The following FOXP2 variants were observed in gnomAD, a reference collection of about 807,000 sequenced individuals.
FOXP2 encodes the protein forkhead box protein P2.
A neutral mutation model predicts 115.8 loss-of-function variants in FOXP2; 12 were observed. The ratio of observed to expected loss-of-function variants is 0.10; its 90% confidence interval spans 0.07 to 0.17. FOXP2 has a LOEUF of 0.17. Ranked by LOEUF, FOXP2 falls within the 10% of genes least tolerant of loss-of-function variation. The probability of loss-of-function intolerance (pLI) is 1.00; values close to 1 mark genes in which losing one functional copy is unlikely to be tolerated. For missense variants in FOXP2, 629 were observed against 843.5 expected, an observed-to-expected ratio of 0.75 and a Z score of 3.15; for synonymous variants, 328 against 297.7, an observed-to-expected ratio of 1.10 and a Z score of -1.05.
chr7:114,462,078 G>A lies in FOXP2; in HGVS notation c.168+35399G>A, dbSNP rs907118990. Among the ~76,000 whole-genome samples the A allele has an allele frequency of 4.0e-5, 6 of 151,762 alleles. No individual in the cohort carries two copies. The South Asian group carries it at 6.2e-4, about 16-fold the overall frequency. ...GGCTGATCACGAGGTCAAGAGATCC[G>A]AGACCATCCTGACCAACATGGCGAA... is the stretch of plus-strand genomic sequence containing the variant. On this transcript the variant is annotated intron_variant, in intron 2 of 16. Transcript: ENST00000350908.
intron 2 of FOXP2, chr7:114,297,334 GC>G: frequency 1.6e-6 from 1 of 606,088 alleles, no homozygotes; most frequent in South Asian, 1.7e-5. Context: ...TTGGTCAGGC[GC>G]CCGTGGTGGC....
chr7:114,480,084 T>C (rs946902539), intron 2 of FOXP2, among the ~76,000 whole-genome samples: 78 of 151,622 alleles, frequency 5.1e-4, no homozygotes, highest in African/African-American at 1.8e-3. Context: ...TGAGAGACAC[T>C]TGGTCACTTA....
chr7:114,547,255 A>C (rs963110115), intron 3 of FOXP2, among the ~76,000 whole-genome samples: 4 of 152,008 alleles, frequency 2.6e-5, no homozygotes, highest in Non-Finnish European at 4.4e-5. Context: ...TTATCTAAAT[A>C]TTTTCTTCTT....
At chr7:114,663,359 C>A (rs1271023357) in intron 14 of FOXP2, 91 bp from the exon 15 acceptor site, 6 of 946,104 alleles carry the variant, frequency 6.3e-6, no homozygotes, top group South Asian at 5.5e-5. Context: ...TAGTGTGAGA[C>A]AAGCCAGAAC....
At chr7:114,568,981 A>G (rs1045840191) in intron 3 of FOXP2, among the ~76,000 whole-genome samples, 2 of 151,928 alleles carry the variant, frequency 1.3e-5, no homozygotes, top group African/African-American at 2.4e-5. Flanking sequence ...TGCTTGTGAA[A>G]TAATTTAAGG....
At chr7:114,452,176 T>C (rs1237469256) in intron 2 of FOXP2, among the ~76,000 whole-genome samples, 1 of 152,018 alleles carries the variant, frequency 6.6e-6, no homozygotes. Flanking sequence ...CTTTGTGATA[T>C]GTTCTTACTT....
chr7:114,396,726 A>G (rs1180175556), intron 2 of FOXP2, among the ~76,000 whole-genome samples: 2 of 151,986 alleles, frequency 1.3e-5, no homozygotes, highest in Non-Finnish European at 2.9e-5. Context: ...ACAAAATTTC[A>G]GTTAGACAGC....
chr7:114,433,019 T>C (rs1193419146), intron 2 of FOXP2, among the ~76,000 whole-genome samples: 1 of 152,028 alleles, frequency 6.6e-6, no homozygotes, highest in Non-Finnish European at 1.5e-5. Context: ...TTGCAAAATG[T>C]CAAGCTGTAG....
At chr7:114,161,154 A>T (rs1792819152), upstream of FOXP2, among the ~76,000 whole-genome samples, 1 of 152,210 alleles carries the variant, frequency 6.6e-6, no homozygotes, top group African/African-American at 2.4e-5. Flanking sequence ...ATGTGGATAT[A>T]TTCATCTAGA....
intron 2 of FOXP2, among the ~76,000 whole-genome samples, chr7:114,379,429 C>A (rs1298258118): frequency 4.6e-5 from 7 of 152,100 alleles, no homozygotes; most frequent in Admixed American, 3.3e-4. Flanking sequence ...CCCCTCTCAA[C>A]AGGAAAACCC....
chr7:114,321,309 C>A (rs1454609353), intron 2 of FOXP2, among the ~76,000 whole-genome samples: 1 of 151,896 alleles, frequency 6.6e-6, no homozygotes, highest in African/African-American at 2.4e-5. Context: ...CGCCATTCTC[C>A]TGCCTCAGCC....
At position 114,515,583 on chromosome 7, in the gene FOXP2, A is replaced by C. The variant is rs530427058; in HGVS notation, c.169-19034A>C. 4.0e-3 allele frequency among the ~76,000 whole-genome samples: 604 copies of C among 151,574 alleles called. 3 individuals carry two copies. The highest frequency in any genetic ancestry group is 0.011 in the African/African-American group (473 of 41,284). The stretch of plus-strand genomic sequence containing the variant: ...TGGGGTTGTTTGTTTTTTTCTTGTA[A>C]ATTTGTTTGAGTTCATTGTAGATTC... On this transcript the variant is annotated intron_variant, in intron 2 of 16. Transcript: ENST00000350908.
chr7:114,395,876 T>A (rs528621726), intron 2 of FOXP2, among the ~76,000 whole-genome samples: 27 of 152,068 alleles, frequency 1.8e-4, no homozygotes, highest in East Asian at 5.8e-4. Context: ...TTTCTTTTTT[T>A]AAAAAAATTT....
At chr7:114,305,259 G>C (rs181926587) in intron 2 of FOXP2, among the ~76,000 whole-genome samples, 205 of 152,186 alleles carry the variant, frequency 1.3e-3, no homozygotes, top group Middle Eastern at 3.4e-3. Flanking sequence ...AGCTTTAAAC[G>C]TTCATTGAAA....
intron 1 of FOXP2, among the ~76,000 whole-genome samples, chr7:114,195,340 A>G (rs1793875672): frequency 6.6e-6 from 1 of 152,160 alleles, no homozygotes; most frequent in Non-Finnish European, 1.5e-5. Context: ...TTATATATGT[A>G]TATATTCTGT....
At chr7:114,234,815 C>T (rs1176953916) in intron 1 of FOXP2, among the ~76,000 whole-genome samples, 1 of 152,150 alleles carries the variant, frequency 6.6e-6, no homozygotes, top group Non-Finnish European at 1.5e-5. Context: ...TCCTTGACCT[C>T]TTTTCTCTTG....
At position 114,224,069 on chromosome 7, in the gene FOXP2, G is replaced by A. The variant is rs1007831579; in HGVS notation, c.-102+60981G>A. On this transcript the variant is annotated intron_variant, in intron 1 of 17. Transcript: ENST00000634411. ...ATTTTATATATCTAACCAATGATTTGGGCACCGTTTTGAATAGTCTGTTCC... is the reference window on the plus strand; with the variant it reads ...ATTTTATATATCTAACCAATGATTTAGGCACCGTTTTGAATAGTCTGTTCC... Among the ~76,000 whole-genome samples the A allele has an allele frequency of 2.0e-5, 3 of 151,770 alleles. No homozygotes were observed. In the South Asian group the frequency reaches 6.2e-4, roughly 32 times the overall value.
intron 2 of FOXP2, chr7:114,499,630 C>T (rs1319690998): frequency 1.3e-5 from 2 of 152,118 alleles, no homozygotes; most frequent in Non-Finnish European, 2.9e-5. Flanking sequence ...AAATTTGTGG[C>T]TCACCTCTAG....
intron 2 of FOXP2, among the ~76,000 whole-genome samples, chr7:114,433,854 A>G (rs947792788): frequency 2.6e-5 from 4 of 152,042 alleles, no homozygotes; most frequent in African/African-American, 9.6e-5. Flanking sequence ...CATGAATATT[A>G]GTCATTAATT....
Sources: gnomAD v4.1 joint callset for allele counts (sites outside exome capture counted in the v4.1 genomes callset) on GRCh38, gnomAD v4.1.1 for gene constraint, MANE v1.5 for transcripts, NCBI Gene and HGNC (gene_info 2026-07-23, HGNC 2026-07-21) for gene names.